The following IQGAP1 variants were observed in gnomAD, a reference collection of about 807,000 sequenced individuals.
IQGAP1 encodes the protein IQ motif containing GTPase activating protein 1.
Under a neutral mutation model 215.6 loss-of-function variants are expected in IQGAP1, and 66 were observed. The ratio of observed to expected loss-of-function variants is 0.31; its 90% CI spans 0.25 to 0.38. The LOEUF is 0.38. IQGAP1 is among the 10% of genes least tolerant of loss of function. IQGAP1 has a pLI of 1.00. For synonymous variants in IQGAP1, 772 were observed against 728.7 expected, an observed-to-expected ratio of 1.06 and a Z score of -0.96; for missense variants, 1,712 against 1,997.1, an observed-to-expected ratio of 0.86 and a Z score of 2.72.
intron 2 of IQGAP1, among the ~76,000 whole-genome samples, chr15:90,395,305 G>A (rs549051576): frequency 2.1e-4 from 29 of 136,736 alleles, no homozygotes; most frequent in Admixed American, 4.6e-4. Flanking sequence ...TTAGGCTAAG[G>A]AGCGGGGTTT....
At chr15:90,395,179 A>G (rs1375770507) in intron 2 of IQGAP1, among the ~76,000 whole-genome samples, 5 of 152,224 alleles carry the variant, frequency 3.3e-5, no homozygotes, top group Admixed American at 6.5e-5. Flanking sequence ...TAACGATTCA[A>G]GGCTTTTTGC....
At chr15:90,497,768 ATCTT>A (rs1966291477) in intron 37 of IQGAP1, among the ~76,000 whole-genome samples, 1 of 152,230 alleles carries the variant, frequency 6.6e-6, no homozygotes, top group Admixed American at 6.5e-5. Context: ...ACTGAATTCT[ATCTT>A]AAATCCAAAA....
At position 90,441,994 on chromosome 15, in the gene IQGAP1, A is replaced by G. The variant is rs865854946; in HGVS notation, c.828+310A>G. The stretch of plus-strand genomic sequence containing the variant: ...TTTTATACAAATGGAATGATGCAGT[A>G]TCTAATCTTTTGGTGTGAGGCTCCA... On this transcript the variant is annotated intron_variant, in intron 8 of 37. Coordinates refer to ENST00000268182, the MANE Select transcript of IQGAP1 (RefSeq NM_003870.4). Among the ~76,000 whole-genome samples, 3 of 152,316 alleles carry G rather than the reference A, an allele frequency of 2.0e-5. No individual in the cohort carries two copies. The South Asian group carries it at 6.2e-4, about 32-fold the overall frequency.
At chr15:90,420,752 TTCAC>T (rs779115023) in intron 2 of IQGAP1, among the ~76,000 whole-genome samples, 6 of 152,202 alleles carry the variant, frequency 3.9e-5, no homozygotes, top group Admixed American at 6.5e-5. Context: ...AGACAAGAGT[TTCAC>T]TGTCGCCCAG....
intron 5 of IQGAP1, among the ~76,000 whole-genome samples, chr15:90,437,888 A>G (rs977353420): frequency 5.9e-5 from 9 of 152,184 alleles, no homozygotes; most frequent in African/African-American, 9.7e-5. Flanking sequence ...GGCGCTTTAT[A>G]TATCCATCTT....
At chr15:90,415,185 G>A (rs1402513023) in intron 2 of IQGAP1, among the ~76,000 whole-genome samples, 1 of 152,154 alleles carries the variant, frequency 6.6e-6, no homozygotes, top group African/African-American at 2.4e-5. Flanking sequence ...TAGTAAGATT[G>A]AGAAATTTTC....
intron 15 of IQGAP1, 104 bp downstream of exon 15, chr15:90,456,419 C>T: frequency 8.9e-7 from 1 of 1,122,700 alleles, no homozygotes; most frequent in Non-Finnish European, 1.3e-6. Context: ...TGAATGCCTT[C>T]TGGGCACCCT....
intron 8 of IQGAP1, among the ~76,000 whole-genome samples, chr15:90,442,216 A>G (rs898089456): frequency 6.6e-6 from 1 of 152,090 alleles, no homozygotes; most frequent in Non-Finnish European, 1.5e-5. Context: ...ACTTGAAAAA[A>G]CTGAATCTGA....
chr15:90,437,632 A>T (rs187497299), intron 5 of IQGAP1, among the ~76,000 whole-genome samples: 11 of 152,262 alleles, frequency 7.2e-5, no homozygotes, highest in Admixed American at 3.9e-4. Context: ...ACAACCTCCC[A>T]GGCACAAGCT....
chr15:90,410,842 A>G (rs953115523), intron 2 of IQGAP1, among the ~76,000 whole-genome samples: 3 of 95,038 alleles, frequency 3.2e-5, no homozygotes, highest in Middle Eastern at 4.5e-3. Flanking sequence ...TTAAAGTATA[A>G]TAAAAAAAAA....
chr15:90,466,252 G>T lies in IQGAP1; in HGVS notation c.1868-17G>T, dbSNP rs2074585. 2 of 1,612,990 alleles carry T rather than the reference G, an allele frequency of 1.2e-6. No homozygotes were observed. Among genetic ancestry groups the T allele is most frequent in the Non-Finnish European group, 1.7e-6 (2 of 1,179,106 alleles). On this transcript the variant is annotated splice_polypyrimidine_tract_variant and intron_variant, in intron 16 of 37. Transcript: ENST00000268182. ...CACTCTCTAAACTATTCTGGTAACAGTTCTTTCCCGAAATAGTTGCCTTAG... is the reference window on the plus strand; with the variant it reads ...CACTCTCTAAACTATTCTGGTAACATTTCTTTCCCGAAATAGTTGCCTTAG...
intron 2 of IQGAP1, chr15:90,391,479 C>G (rs1964635411): frequency 6.6e-6 from 1 of 152,134 alleles, no homozygotes; most frequent in Non-Finnish European, 1.5e-5. Context: ...GTGGAAATAG[C>G]ATTTTTAGGA....
At chr15:90,392,701 A>G (rs1353996278) in intron 2 of IQGAP1, among the ~76,000 whole-genome samples, 1 of 146,726 alleles carries the variant, frequency 6.8e-6, no homozygotes, top group Non-Finnish European at 1.5e-5. Context: ...CTGAAGCCTG[A>G]GTTTTTTGGT....
intron 33 of IQGAP1, among the ~76,000 whole-genome samples, chr15:90,489,754 T>C (rs933402408): frequency 4.6e-5 from 7 of 152,238 alleles, no homozygotes; most frequent in Non-Finnish European, 8.8e-5. Context: ...TAAGGACATG[T>C]AAACCAATAC....
intron 1 of IQGAP1, among the ~76,000 whole-genome samples, chr15:90,390,540 G>T (rs541485644): frequency 2.7e-4 from 41 of 152,306 alleles, no homozygotes; most frequent in African/African-American, 9.4e-4. Context: ...AGATTACACT[G>T]AAACTTAGTA....
intron 2 of IQGAP1, among the ~76,000 whole-genome samples, chr15:90,411,235 G>A (rs1009466973): frequency 2.0e-5 from 3 of 152,002 alleles, no homozygotes; most frequent in Non-Finnish European, 4.4e-5. Flanking sequence ...TGCACTGTTA[G>A]CCTTAGAAGG....
intron 31 of IQGAP1, 152 bp downstream of exon 31, chr15:90,486,284 AAAC>A (rs1344497304): frequency 1.6e-4 from 89 of 552,676 alleles, no homozygotes; most frequent in Admixed American, 4.1e-4. Context: ...ATAAGAGAGA[AAAC>A]AACAACAACA....
In IQGAP1 at chr15:90,494,788, A is replaced by G; in HGVS notation, c.4704A>G (p.Leu1568=). 1 of 1,608,452 alleles carries G rather than the reference A, an allele frequency of 6.2e-7. No individual in the cohort carries two copies. The highest frequency in any genetic ancestry group is 1.3e-5 in the African/African-American group (1 of 74,876). The change falls in exon 36 of 38, where the codon CTA becomes CTG. Residue 1568 remains leucine (L), a synonymous_variant. Transcript: ENST00000268182. ...KISLKYTAAR[L]HEKGVLLEIE... Reference sequence around the variant, plus strand: ...CTCTGAAATATACAGCAGCAAGACTACATGAAAAAGGAGTTCTTCTGGAAA... The same window carrying G: ...CTCTGAAATATACAGCAGCAAGACTGCATGAAAAAGGAGTTCTTCTGGAAA...
chr15:90,440,450 G>C (rs1965432868), intron 6 of IQGAP1, 52 bp from the exon 7 acceptor site: 2 of 1,256,670 alleles, frequency 1.6e-6, no homozygotes, highest in African/African-American at 1.5e-5. Context: ...CCTTCTCTTG[G>C]TTATGGAAGG....
Sources: allele counts gnomAD v4.1 joint callset (sites outside exome capture counted in the v4.1 genomes callset), GRCh38; gene constraint gnomAD v4.1.1; transcripts MANE v1.5; gene names NCBI Gene and HGNC (gene_info 2026-07-23, HGNC 2026-07-21).